AMBRA1: variants seen among roughly 807,000 people sequenced by gnomAD.
The protein encoded by AMBRA1 is activating molecule in BECN1-regulated autophagy protein 1.
AMBRA1 carries 47 observed loss-of-function variants against 125.4 expected under a neutral mutation model. That is an observed-to-expected ratio of 0.37 (90% CI 0.30 to 0.48). The LOEUF (loss-of-function observed/expected upper bound fraction) is 0.48, where lower values mean the gene tolerates loss of function less well. Ranked by LOEUF, AMBRA1 falls within the 20% of genes least tolerant of loss-of-function variation. The pLI, the probability that AMBRA1 is intolerant of heterozygous loss-of-function variation, is 0.99. For synonymous variants in AMBRA1, 626 were observed against 655.5 expected, an observed-to-expected ratio of 0.95 and a Z score of 0.69; for missense variants, 1,331 against 1,693.4, an observed-to-expected ratio of 0.79 and a Z score of 3.76.
At chr11:46,592,263 A>G (rs1008508208) in intron 1 of AMBRA1, among the ~76,000 whole-genome samples, 1 of 151,932 alleles carries the variant, frequency 6.6e-6, no homozygotes, top group African/African-American at 2.4e-5. Context: ...CCAAGAATGA[A>G]GTGACACAAA....
intron 9 of AMBRA1, chr11:46,495,055 A>G (rs1435690335): frequency 2.0e-5 from 3 of 152,244 alleles, no homozygotes; most frequent in Non-Finnish European, 2.9e-5. Flanking sequence ...GGATTCAAGG[A>G]AGATTGGACT....
At chr11:46,510,162 A>G (rs1951203249) in intron 8 of AMBRA1, among the ~76,000 whole-genome samples, 1 of 152,218 alleles carries the variant, frequency 6.6e-6, no homozygotes, top group South Asian at 2.1e-4. Context: ...CCAACGAGTC[A>G]ATATTATAAT....
At chr11:46,521,869 T>C (rs1951774423) in intron 7 of AMBRA1, among the ~76,000 whole-genome samples, 1 of 152,162 alleles carries the variant, frequency 6.6e-6, no homozygotes, top group Admixed American at 6.5e-5. Flanking sequence ...AAAATAGACA[T>C]ACTACAAAAA....
chr11:46,589,914 G>A (rs758315687), intron 1 of AMBRA1, among the ~76,000 whole-genome samples: 10 of 151,532 alleles, frequency 6.6e-5, no homozygotes, highest in Non-Finnish European at 1.3e-4. Context: ...GAGCCACCGC[G>A]CCCGGTCTAA....
chr11:46,476,997 G>T (rs1229145684), intron 11 of AMBRA1, among the ~76,000 whole-genome samples: 2 of 151,872 alleles, frequency 1.3e-5, no homozygotes, highest in African/African-American at 2.4e-5. Context: ...TAACCCCCCA[G>T]CTACTAGGTA....
At chr11:46,504,286 C>T (rs565778382) in intron 9 of AMBRA1, among the ~76,000 whole-genome samples, 86 of 152,286 alleles carry the variant, frequency 5.6e-4, no homozygotes, top group African/African-American at 1.9e-3. Flanking sequence ...GCATACACAC[C>T]ACCTCTTTTG....
chr11:46,476,397 G>C (rs1397049757), intron 11 of AMBRA1, among the ~76,000 whole-genome samples: 1 of 152,146 alleles, frequency 6.6e-6, no homozygotes, highest in Non-Finnish European at 1.5e-5. Context: ...TTTAGGGGTG[G>C]CTTGTGGTTA....
At chr11:46,544,278 A>G (rs557902321) in intron 5 of AMBRA1, among the ~76,000 whole-genome samples, 1 of 152,362 alleles carries the variant, frequency 6.6e-6, no homozygotes, top group African/African-American at 2.4e-5. Context: ...AAAAACACCT[A>G]GAGTTGCCAT....
intron 9 of AMBRA1, 108 bp downstream of exon 9, chr11:46,508,083 A>C: frequency 8.7e-7 from 1 of 1,147,346 alleles, no homozygotes; most frequent in Non-Finnish European, 1.3e-6. Context: ...ATAATAATTG[A>C]GGAGTTGGGA....
At chr11:46,454,517 C>T (rs954723869) in intron 11 of AMBRA1, among the ~76,000 whole-genome samples, 3 of 145,798 alleles carry the variant, frequency 2.1e-5, no homozygotes. Flanking sequence ...AGGTGGATCA[C>T]GAGGTCAGGA....
chr11:46,497,913 G>C (rs1301310394), intron 9 of AMBRA1, among the ~76,000 whole-genome samples: 1 of 152,132 alleles, frequency 6.6e-6, no homozygotes, highest in Admixed American at 6.6e-5. Flanking sequence ...TTCAATGCAT[G>C]GGATATTTAG....
intron 11 of AMBRA1, among the ~76,000 whole-genome samples, chr11:46,489,215 C>G (rs1290758207): frequency 4.6e-5 from 7 of 152,142 alleles, no homozygotes; most frequent in Admixed American, 2.0e-4. Flanking sequence ...ATCCCTCCCC[C>G]GCTCTCCCCA....
intron 7 of AMBRA1, among the ~76,000 whole-genome samples, chr11:46,540,058 C>T (rs1297742091): frequency 6.6e-6 from 1 of 152,214 alleles, no homozygotes; most frequent in Non-Finnish European, 1.5e-5. Flanking sequence ...TCTCGAACTC[C>T]TGACCTTAAG....
intron 1 of AMBRA1, among the ~76,000 whole-genome samples, chr11:46,566,736 TGACC>T (rs2043546885): frequency 2.0e-5 from 3 of 152,234 alleles, no homozygotes; most frequent in Admixed American, 1.3e-4. Context: ...GAAAAAGATC[TGACC>T]TAACCAATCC....
chr11:46,556,759 A>G (rs894878869), intron 1 of AMBRA1, among the ~76,000 whole-genome samples: 1 of 152,212 alleles, frequency 6.6e-6, no homozygotes, highest in Non-Finnish European at 1.5e-5. Context: ...TCACAGGGCT[A>G]CCACAAGGAT....
intron 1 of AMBRA1, among the ~76,000 whole-genome samples, chr11:46,560,707 G>A (rs1422753233): frequency 6.6e-6 from 1 of 152,114 alleles, no homozygotes; most frequent in Non-Finnish European, 1.5e-5. Flanking sequence ...AGAAACTGAA[G>A]CTCAATTTTT....
At chr11:46,580,369 G>T (rs1284423907) in intron 1 of AMBRA1, among the ~76,000 whole-genome samples, 1 of 152,058 alleles carries the variant, frequency 6.6e-6, no homozygotes, top group African/African-American at 2.4e-5. Context: ...CGCTACTTTT[G>T]TGAATCAGCC....
intron 11 of AMBRA1, among the ~76,000 whole-genome samples, chr11:46,458,780 G>GT: frequency 6.6e-6 from 1 of 152,078 alleles, no homozygotes; most frequent in Middle Eastern, 3.4e-3. Flanking sequence ...TTTAGATACT[G>GT]TCCAGCCATG....
At chr11:46,427,941 G>A (rs368611258) in intron 14 of AMBRA1, among the ~76,000 whole-genome samples, 3 of 151,018 alleles carry the variant, frequency 2.0e-5, no homozygotes, top group African/African-American at 4.9e-5. Flanking sequence ...CCCAGGTGGC[G>A]GAGGTTGCAG....
Sources: gnomAD v4.1 joint callset for allele counts (sites outside exome capture counted in the v4.1 genomes callset) on GRCh38, gnomAD v4.1.1 for gene constraint, MANE v1.5 for transcripts, NCBI Gene and HGNC (gene_info 2026-07-23, HGNC 2026-07-21) for gene names.